The following PLSCR1 variants were observed in gnomAD, a reference collection of about 807,000 sequenced individuals.
The protein encoded by PLSCR1 is PL scramblase 1.
PLSCR1 carries 17 observed loss-of-function variants against 37.8 expected under a neutral mutation model. The observed-to-expected ratio is 0.45, with a 90% CI of 0.31 to 0.68. PLSCR1 has a LOEUF of 0.68. Ranked by LOEUF, PLSCR1 falls within the 30% of genes least tolerant of loss-of-function variation. The probability of loss-of-function intolerance (pLI) is 0.06; values close to 1 mark genes in which losing one functional copy is unlikely to be tolerated. For missense variants in PLSCR1, 347 were observed against 380.9 expected (o/e 0.91, Z 0.74); for synonymous variants, 116 against 125.9 (o/e 0.92, Z 0.53).
intron 1 of PLSCR1, among the ~76,000 whole-genome samples, chr3:146,542,740 G>A (rs1245579881): frequency 1.3e-5 from 2 of 152,046 alleles, no homozygotes; most frequent in African/African-American, 4.8e-5. Flanking sequence ...AATACAGTGT[G>A]TATATACACA....
At chr3:146,542,359 C>T (rs959024211) in intron 1 of PLSCR1, among the ~76,000 whole-genome samples, 3 of 152,136 alleles carry the variant, frequency 2.0e-5, no homozygotes, top group African/African-American at 4.8e-5. Context: ...CTCTCCTCAA[C>T]ACCCCCAACC....
At chr3:146,520,702 T>A (rs1184911648) in intron 7 of PLSCR1, among the ~76,000 whole-genome samples, 3 of 152,118 alleles carry the variant, frequency 2.0e-5, no homozygotes, top group African/African-American at 7.2e-5. Context: ...ACACTGGATA[T>A]TGAAAAACCT....
intron 3 of PLSCR1, among the ~76,000 whole-genome samples, chr3:146,532,851 A>T (rs2044217619): frequency 6.6e-6 from 1 of 152,176 alleles, no homozygotes; most frequent in African/African-American, 2.4e-5. Flanking sequence ...AAAAGAAAAA[A>T]TGTACTCAAT....
rs990369699 is a variant in PLSCR1 at position 146,524,498 on chromosome 3, G to A, written c.355+1107C>T. Among the ~76,000 whole-genome samples the A allele has an allele frequency of 2.0e-5, 3 of 151,530 alleles. No homozygotes were observed. The East Asian group carries it at 5.8e-4, about 29-fold the overall frequency. ...GCATAATTAAAAACTGTTAGATTTGGAACTTTCTATTTCATAATTAACACA... is the reference window on the plus strand; with the variant it reads ...GCATAATTAAAAACTGTTAGATTTGAAACTTTCTATTTCATAATTAACACA... On this transcript the variant is annotated intron_variant, in intron 5 of 8. Transcript: ENST00000342435.
rs138617078 is a variant in PLSCR1, at chr3:146,524,751, C to T, written c.355+854G>A. 3.8e-4 allele frequency among the ~76,000 whole-genome samples: 58 copies of T among 152,102 alleles called. No individual in the cohort carries two copies. The East Asian group carries it at 0.011, about 29-fold the overall frequency. On this transcript the variant is annotated intron_variant, in intron 5 of 8. Transcript: ENST00000342435. ...TAATAATGTGCTTTACAAATAACTT[C>T]AATGTAATAGATGACAATTGTATAT...
chr3:146,523,125 C>T lies in PLSCR1; in HGVS notation c.356-1072G>A, dbSNP rs181445163. Among the ~76,000 whole-genome samples, 195 of 152,276 alleles carry T rather than the reference C, an allele frequency of 1.3e-3. 3 individuals carry two copies. Among genetic ancestry groups the T allele is most frequent in the Admixed American group, 2.9e-3 (45 of 15,284 alleles). On this transcript the variant is annotated intron_variant, in intron 5 of 8. Coordinates refer to ENST00000342435, the MANE Select transcript of PLSCR1 (RefSeq NM_021105.3). ...TATGCTGAATGCCAGTCCCCTGGGCCCATTTTTCTTTCTCTATACTTTGTC... is the reference window on the plus strand; with the variant it reads ...TATGCTGAATGCCAGTCCCCTGGGCTCATTTTTCTTTCTCTATACTTTGTC...
At chr3:146,517,207 C>G in intron 7 of PLSCR1, 40 bp from the exon 8 acceptor site, 1 of 1,197,736 alleles carries the variant, frequency 8.3e-7, no homozygotes, top group Non-Finnish European at 1.2e-6. Context: ...TTTTAGGAAA[C>G]TTATAGCAAA....
chr3:146,544,117 A>C (rs1300815672), intron 1 of PLSCR1, among the ~76,000 whole-genome samples: 1 of 152,152 alleles, frequency 6.6e-6, no homozygotes, highest in African/African-American at 2.4e-5. Context: ...TCTACCTGTA[A>C]AGCAGTGTAG....
chr3:146,517,281 C>A (rs978578640), intron 7 of PLSCR1, 114 bp from the exon 8 acceptor site: 7 of 501,978 alleles, frequency 1.4e-5, no homozygotes, highest in African/African-American at 4.0e-5. Flanking sequence ...CCATATGTAA[C>A]CCTCATTAGA....
At chr3:146,519,039 G>A (rs1469264412) in intron 7 of PLSCR1, among the ~76,000 whole-genome samples, 2 of 152,094 alleles carry the variant, frequency 1.3e-5, no homozygotes, top group Non-Finnish European at 2.9e-5. Flanking sequence ...AGTGTATCAT[G>A]AGTATATTAA....
At chr3:146,534,971 G>A (rs1052763521) in intron 2 of PLSCR1, among the ~76,000 whole-genome samples, 84 of 152,082 alleles carry the variant, frequency 5.5e-4, no homozygotes, top group African/African-American at 2.0e-3. Context: ...CTTGTGATTT[G>A]TGAATCATCA....
At chr3:146,535,136 A>G (rs765272106) in intron 2 of PLSCR1, among the ~76,000 whole-genome samples, 1 of 152,048 alleles carries the variant, frequency 6.6e-6, no homozygotes, top group Non-Finnish European at 1.5e-5. Flanking sequence ...TCAGACTCAG[A>G]ATAGATTTCA....
At chr3:146,524,517 T>A (rs1218226337) in intron 5 of PLSCR1, among the ~76,000 whole-genome samples, 1 of 152,008 alleles carries the variant, frequency 6.6e-6, no homozygotes, top group African/African-American at 2.4e-5. Context: ...ATTTCATAAT[T>A]AACACATATT....
Position 146,521,646 on chromosome 3 carries a change from T to C in PLSCR1, c.636A>G (p.Pro212=), listed in dbSNP as rs910084006. The C allele has an allele frequency of 3.7e-6, 6 of 1,613,862 alleles. No homozygotes were observed. The Middle Eastern group carries it at 4.9e-4, about 133-fold the overall frequency. ...PIGYVIQTWH[P]CLPKFTIQNE... ...TTTGAATTGTAAACTTTGGTAGACA[T>C]GGGTGCCAAGTCTGAATAACATAAC... is the stretch of plus-strand genomic sequence containing the variant. The change falls in exon 7 of 9, where the codon CCA becomes CCG. Residue 212 remains proline (P), a synonymous_variant. Transcript: ENST00000342435.
chr3:146,530,191 A>T (rs1260270612), intron 3 of PLSCR1, among the ~76,000 whole-genome samples: 4 of 152,218 alleles, frequency 2.6e-5, no homozygotes, highest in Admixed American at 6.5e-5. Context: ...TTTAACATTA[A>T]AGCCTATGCA....
intron 1 of PLSCR1, 142 bp downstream of exon 1, chr3:146,544,325 A>G (rs1340968283): frequency 6.6e-6 from 1 of 152,340 alleles, no homozygotes; most frequent in African/African-American, 2.4e-5. Flanking sequence ...CCCCCAGAGC[A>G]GCAAACACAA....
At chr3:146,525,999 T>A (rs887862520) in intron 4 of PLSCR1, among the ~76,000 whole-genome samples, 1 of 151,308 alleles carries the variant, frequency 6.6e-6, no homozygotes, top group Non-Finnish European at 1.5e-5. Flanking sequence ...CTGGCTGACA[T>A]GGTGAAACCC....
At chr3:146,542,539 A>G (rs2587009) in intron 1 of PLSCR1, among the ~76,000 whole-genome samples, 33,321 of 152,162 alleles carry the variant, frequency 0.22, 4,018 homozygotes, top group Non-Finnish European at 0.25. Flanking sequence ...CAGAACTGTA[A>G]GAAATAAATT....
At chr3:146,520,800 G>C (rs566308499) in intron 7 of PLSCR1, among the ~76,000 whole-genome samples, 2 of 152,166 alleles carry the variant, frequency 1.3e-5, no homozygotes, top group East Asian at 3.9e-4. Flanking sequence ...TTACCCTTTT[G>C]TTGGAAAGGT....
Sources: allele counts gnomAD v4.1 joint callset (sites outside exome capture counted in the v4.1 genomes callset), GRCh38; gene constraint gnomAD v4.1.1; transcripts MANE v1.5; gene names NCBI Gene and HGNC (gene_info 2026-07-23, HGNC 2026-07-21).